CSMD1: variants seen among roughly 807,000 people sequenced by gnomAD.
CSMD1 encodes CUB and sushi domain-containing protein 1.
Under a neutral mutation model 417.5 loss-of-function variants are expected in CSMD1, and 213 were observed. The ratio of observed to expected loss-of-function variants is 0.51; its 90% CI spans 0.46 to 0.57. The LOEUF is 0.57. Ranked by LOEUF, CSMD1 falls within the 20% of genes least tolerant of loss-of-function variation. CSMD1 has a pLI of 0.00. For synonymous variants in CSMD1, 2,862 were observed against 1,736.8 expected, an observed-to-expected ratio of 1.65 and a Z score of -16.11; for missense variants, 6,923 against 4,529.7, an observed-to-expected ratio of 1.53 and a Z score of -15.17.
chr8:3,992,466 A>G (rs1278586627), intron 5 of CSMD1, among the ~76,000 whole-genome samples: 1 of 152,234 alleles, frequency 6.6e-6, no homozygotes, highest in Non-Finnish European at 1.5e-5. Flanking sequence ...TTTGTGAAAT[A>G]AAATTACTGA....
intron 1 of CSMD1, among the ~76,000 whole-genome samples, chr8:4,964,292 T>A (rs747164492): frequency 2.6e-5 from 4 of 151,726 alleles, no homozygotes; most frequent in Non-Finnish European, 4.4e-5. Context: ...GGGGGGCAAA[T>A]TGCTTAAGTC....
intron 2 of CSMD1, among the ~76,000 whole-genome samples, chr8:4,603,666 T>C (rs994084892): frequency 6.6e-6 from 1 of 152,122 alleles, no homozygotes; most frequent in East Asian, 1.9e-4. Flanking sequence ...ATGACGTGGG[T>C]TTCTGTCACA....
chr8:3,384,038 C>A (rs1810807756), intron 18 of CSMD1, among the ~76,000 whole-genome samples: 1 of 151,986 alleles, frequency 6.6e-6, no homozygotes, highest in Non-Finnish European at 1.5e-5. Context: ...AAGGTTCAAC[C>A]CTGGGAGGCA....
At chr8:3,798,209 T>G (rs780142823) in intron 5 of CSMD1, among the ~76,000 whole-genome samples, 3 of 152,068 alleles carry the variant, frequency 2.0e-5, no homozygotes, top group Non-Finnish European at 2.9e-5. Context: ...AGAGTTCATT[T>G]CTGTATGAAA....
chr8:3,678,733 T>G (rs1441582810), intron 7 of CSMD1, among the ~76,000 whole-genome samples: 1 of 151,988 alleles, frequency 6.6e-6, no homozygotes, highest in Non-Finnish European at 1.5e-5. Context: ...GACACATAAT[T>G]GTCAGATTCA....
Position 4,979,361 on chromosome 8 carries a change from AG to A in CSMD1, c.85+14970del, listed in dbSNP as rs552529987. On this transcript the variant is annotated intron_variant, in intron 1 of 69. Transcript: ENST00000635120. ...GTTGACATTCCCTTTGTAAAGACAA[AG>A]AAACCAAGTGTCAAGAAGTTTAACA... is the stretch of plus-strand genomic sequence containing the variant. Among the ~76,000 whole-genome samples the A allele has an allele frequency of 2.9e-3, 446 of 152,326 alleles. 5 individuals carry two copies. Among genetic ancestry groups the A allele is most frequent in the African/African-American group, 9.9e-3 (412 of 41,572 alleles).
At chr8:3,005,687 T>C (rs566481535) in intron 52 of CSMD1, among the ~76,000 whole-genome samples, 2 of 152,276 alleles carry the variant, frequency 1.3e-5, no homozygotes, top group African/African-American at 2.4e-5. Flanking sequence ...ATTATCTCGA[T>C]AGATGCAGAA....
intron 5 of CSMD1, among the ~76,000 whole-genome samples, chr8:3,754,395 A>G (rs974487425): frequency 9.9e-5 from 15 of 152,032 alleles, no homozygotes; most frequent in African/African-American, 3.6e-4. Context: ...GGAAAATGAT[A>G]AAATTCTGTG....
At chr8:3,253,243 G>T (rs1800405169) in intron 26 of CSMD1, among the ~76,000 whole-genome samples, 1 of 151,684 alleles carries the variant, frequency 6.6e-6, no homozygotes, top group Admixed American at 6.6e-5. Context: ...TGCTCTCGTT[G>T]GTTTCAAAGA....
intron 23 of CSMD1, among the ~76,000 whole-genome samples, chr8:3,313,715 T>C (rs1458344339): frequency 6.6e-6 from 1 of 152,172 alleles, no homozygotes; most frequent in Non-Finnish European, 1.5e-5. Flanking sequence ...AGTGTGGCCA[T>C]TCCTCAGGGA....
chr8:3,953,318 T>C (rs1811710957), intron 5 of CSMD1, among the ~76,000 whole-genome samples: 1 of 152,152 alleles, frequency 6.6e-6, no homozygotes, highest in South Asian at 2.1e-4. Context: ...AAAAGATTAT[T>C]TAGCATATAT....
intron 3 of CSMD1, among the ~76,000 whole-genome samples, chr8:4,168,039 G>C (rs112532319): frequency 2.0e-4 from 30 of 152,064 alleles, no homozygotes; most frequent in African/African-American, 7.0e-4. Context: ...TGAGGCCGTA[G>C]AATTGCTTGA....
chr8:4,806,433 T>C (rs1362283033), intron 1 of CSMD1, among the ~76,000 whole-genome samples: 1 of 148,692 alleles, frequency 6.7e-6, no homozygotes, highest in South Asian at 2.2e-4. Context: ...TGGATGATGT[T>C]AGTGCCATCA....
chr8:3,975,500 C>T (rs1403724854), intron 5 of CSMD1, among the ~76,000 whole-genome samples: 1 of 152,108 alleles, frequency 6.6e-6, no homozygotes, highest in Non-Finnish European at 1.5e-5. Flanking sequence ...CATCAAGTAG[C>T]ACAGAAACTT....
At chr8:3,008,253 G>A (rs1281553863) in intron 52 of CSMD1, among the ~76,000 whole-genome samples, 1 of 152,198 alleles carries the variant, frequency 6.6e-6, no homozygotes, top group East Asian at 1.9e-4. Flanking sequence ...TTGTGCCAGA[G>A]CAGTCAGGAG....
chr8:4,862,561 G>A (rs7842252), intron 1 of CSMD1, among the ~76,000 whole-genome samples: 125,001 of 151,926 alleles, frequency 0.82, 53,546 homozygotes, highest in East Asian at 1. Flanking sequence ...AGACTAGATC[G>A]TGGATATATT....
At chr8:4,638,692 C>G (rs1272258004) in intron 1 of CSMD1, among the ~76,000 whole-genome samples, 1 of 152,132 alleles carries the variant, frequency 6.6e-6, no homozygotes, top group Admixed American at 6.5e-5. Flanking sequence ...GGACATCTCA[C>G]GTTTTACTCA....
chr8:3,879,917 A>T (rs760280901), intron 5 of CSMD1, among the ~76,000 whole-genome samples: 7 of 152,030 alleles, frequency 4.6e-5, no homozygotes, highest in African/African-American at 7.2e-5. Flanking sequence ...ATAACGAAAT[A>T]GTGCTTGGTA....
At chr8:4,804,386 A>C (rs955406748) in intron 1 of CSMD1, among the ~76,000 whole-genome samples, 1 of 152,174 alleles carries the variant, frequency 6.6e-6, no homozygotes, top group African/African-American at 2.4e-5. Flanking sequence ...CAGGTATTTT[A>C]AGACGCCAAA....
Sources: allele counts gnomAD v4.1 joint callset (sites outside exome capture counted in the v4.1 genomes callset), GRCh38; gene constraint gnomAD v4.1.1; transcripts MANE v1.5; gene names NCBI Gene and HGNC (gene_info 2026-07-23, HGNC 2026-07-21).